IQCM: variants seen among roughly 807,000 people sequenced by gnomAD.
IQCM encodes the protein IQ domain-containing protein M.
In IQCM, 45 loss-of-function variants were observed where a neutral mutation model predicts 57.6. That is an observed-to-expected ratio of 0.78 (90% CI 0.62 to 1.00). The LOEUF (loss-of-function observed/expected upper bound fraction) is 1.00, where lower values mean the gene tolerates loss of function less well. Among genes scored for constraint, IQCM ranks in the 50% least tolerant of loss-of-function variants. IQCM has a pLI of 0.00. For synonymous variants in IQCM, 148 were observed against 158.9 expected, an observed-to-expected ratio of 0.93 and a Z score of 0.51; for missense variants, 468 against 511.6, an observed-to-expected ratio of 0.91 and a Z score of 0.82.
At chr4:149,387,867 C>T (rs1347058024) in intron 13 of IQCM, among the ~76,000 whole-genome samples, 2 of 151,950 alleles carry the variant, frequency 1.3e-5, no homozygotes, top group Non-Finnish European at 2.9e-5. Flanking sequence ...CAGCCTTAAG[C>T]AACTGATAAT....
chr4:149,406,041 C>T (rs1003588766), intron 13 of IQCM, among the ~76,000 whole-genome samples: 6 of 151,528 alleles, frequency 4.0e-5, no homozygotes, highest in African/African-American at 1.5e-4. Context: ...TGAACTTTGG[C>T]CCTTTGGAAG....
chr4:149,812,075 C>T (rs187745312), intron 2 of IQCM, among the ~76,000 whole-genome samples: 1 of 152,264 alleles, frequency 6.6e-6, no homozygotes, highest in Admixed American at 6.5e-5. Flanking sequence ...CTGAAATGCC[C>T]TTTTCCAGTT....
chr4:149,436,666 G>A (rs1239333417), intron 12 of IQCM, among the ~76,000 whole-genome samples: 1 of 151,996 alleles, frequency 6.6e-6, no homozygotes, highest in Middle Eastern at 3.2e-3. Flanking sequence ...ATAAAAGCAG[G>A]AATTTAATTT....
chr4:149,795,887 A>C (rs1056452735), intron 2 of IQCM, among the ~76,000 whole-genome samples: 2 of 152,214 alleles, frequency 1.3e-5, no homozygotes, highest in Non-Finnish European at 2.9e-5. Flanking sequence ...TCACCTGCTA[A>C]CTGTAAGAGC....
At chr4:149,394,507 G>A (rs984721655) in intron 13 of IQCM, among the ~76,000 whole-genome samples, 4 of 151,902 alleles carry the variant, frequency 2.6e-5, no homozygotes, top group African/African-American at 9.7e-5. Flanking sequence ...CCTAATTTAT[G>A]TACCTCCTTA....
chr4:149,811,222 G>GA (rs890599182), intron 2 of IQCM, among the ~76,000 whole-genome samples: 27 of 151,998 alleles, frequency 1.8e-4, no homozygotes, highest in African/African-American at 6.5e-4. Flanking sequence ...AAAAGCACAT[G>GA]AAAAAAATTC....
intron 12 of IQCM, among the ~76,000 whole-genome samples, chr4:149,528,066 A>C: frequency 6.6e-6 from 1 of 150,800 alleles, no homozygotes; most frequent in African/African-American, 2.4e-5. Context: ...GCTCACTGCA[A>C]CCTCCACCTC....
chr4:149,687,375 C>A (rs1762620844), intron 5 of IQCM, among the ~76,000 whole-genome samples: 1 of 150,712 alleles, frequency 6.6e-6, no homozygotes, highest in Non-Finnish European at 1.5e-5. Flanking sequence ...TTCAACCAAC[C>A]ACAGATTGAC....
At position 149,800,172 on chromosome 4, in the gene IQCM, G is replaced by A. The variant is rs576545365; in HGVS notation, c.-49+15139C>T. On this transcript the variant is annotated intron_variant, in intron 2 of 13. Coordinates refer to ENST00000636793, the MANE Select transcript of IQCM (RefSeq NM_001363507.2). The stretch of plus-strand genomic sequence containing the variant: ...CATGACCAAGTGGAATGTATCCCTG[G>A]GATGCATAGATGATTTAACATATGG... 1.9e-4 allele frequency among the ~76,000 whole-genome samples: 29 copies of A among 151,634 alleles called. No homozygotes were observed. In the South Asian group the frequency reaches 5.6e-3, roughly 29 times the overall value.
chr4:149,729,388 G>A (rs1318082668), intron 5 of IQCM, among the ~76,000 whole-genome samples: 5 of 151,966 alleles, frequency 3.3e-5, no homozygotes, highest in Admixed American at 3.3e-4. Flanking sequence ...AAAAAAATCT[G>A]TTAGGCTTTT....
intron 7 of IQCM, among the ~76,000 whole-genome samples, chr4:149,670,647 T>A (rs1579938185): frequency 6.6e-6 from 1 of 152,282 alleles, no homozygotes; most frequent in Admixed American, 6.5e-5. Flanking sequence ...TTGAGATATG[T>A]CCCATGAATA....
chr4:149,651,947 T>C (rs1027297224), intron 7 of IQCM, among the ~76,000 whole-genome samples: 1 of 152,200 alleles, frequency 6.6e-6, no homozygotes, highest in Non-Finnish European at 1.5e-5. Flanking sequence ...AATCCCATTA[T>C]TGGGTATATA....
At chr4:149,749,521 C>A (rs1168906485) in intron 2 of IQCM, among the ~76,000 whole-genome samples, 1 of 151,992 alleles carries the variant, frequency 6.6e-6, no homozygotes, top group African/African-American at 2.4e-5. Flanking sequence ...TAATAGAGAA[C>A]TGTGAGGAAA....
intron 2 of IQCM, among the ~76,000 whole-genome samples, chr4:149,810,315 T>C (rs1774444208): frequency 1.4e-5 from 2 of 145,944 alleles, no homozygotes; most frequent in South Asian, 4.3e-4. Flanking sequence ...TAAGCCATGA[T>C]TGCGCCATTA....
chr4:149,643,569 C>T (rs567210530), intron 7 of IQCM, among the ~76,000 whole-genome samples: 2 of 152,210 alleles, frequency 1.3e-5, no homozygotes, highest in East Asian at 3.9e-4. Context: ...TGAGATCAGG[C>T]TCTGAGACTT....
At chr4:149,799,723 T>G (rs892339647) in intron 2 of IQCM, among the ~76,000 whole-genome samples, 1 of 151,258 alleles carries the variant, frequency 6.6e-6, no homozygotes, top group Non-Finnish European at 1.5e-5. Flanking sequence ...AATTGAAAAA[T>G]CTAGAAGAAA....
At chr4:149,805,174 G>A (rs1363139006) in intron 2 of IQCM, among the ~76,000 whole-genome samples, 1 of 152,028 alleles carries the variant, frequency 6.6e-6, no homozygotes, top group African/African-American at 2.4e-5. Flanking sequence ...ATCTGCTCTT[G>A]AGCATATAGA....
intron 5 of IQCM, among the ~76,000 whole-genome samples, chr4:149,712,073 C>T (rs1465711937): frequency 6.6e-6 from 1 of 152,146 alleles, no homozygotes; most frequent in African/African-American, 2.4e-5. Flanking sequence ...TCTTAGGCTG[C>T]TTCAGAGCAG....
chr4:149,685,435 G>T (rs1158211656), intron 6 of IQCM, among the ~76,000 whole-genome samples: 1 of 151,268 alleles, frequency 6.6e-6, no homozygotes, highest in Non-Finnish European at 1.5e-5. Context: ...CTTATCATGG[G>T]TATAACCAAA....
Sources: allele counts gnomAD v4.1 joint callset (sites outside exome capture counted in the v4.1 genomes callset), GRCh38; gene constraint gnomAD v4.1.1; transcripts MANE v1.5; gene names NCBI Gene and HGNC (gene_info 2026-07-23, HGNC 2026-07-21).